WWC2: variants seen among roughly 807,000 people sequenced by gnomAD.
WWC2 encodes protein WWC2.
Under a neutral mutation model 138.5 loss-of-function variants are expected in WWC2, and 101 were observed. That is an observed-to-expected ratio of 0.73 (90% CI 0.62 to 0.86). WWC2 has a LOEUF of 0.86. WWC2 is among the 40% of genes least tolerant of loss of function. The pLI is 0.00. For synonymous variants in WWC2, 558 were observed against 538.4 expected (o/e 1.04, Z -0.50); for missense variants, 1,420 against 1,419.4 (o/e 1.00, Z -0.01).
intron 1 of WWC2, among the ~76,000 whole-genome samples, chr4:183,100,667 G>A (rs1743150434): frequency 6.6e-6 from 1 of 152,046 alleles, no homozygotes; most frequent in African/African-American, 2.4e-5. Flanking sequence ...TTCTCAATTT[G>A]AAGCTGAAAT....
Position 183,320,270 on chromosome 4 carries a change from TGAAAA to T in WWC2, c.*4545_*4549del, listed in dbSNP as rs1579087061. 1 of 1,483,922 alleles carries T rather than the reference TGAAAA, an allele frequency of 6.7e-7. No homozygotes were observed. The highest frequency in any genetic ancestry group is 1.4e-5 in the African/African-American group (1 of 71,088). 91.9% of individuals were successfully genotyped at this position (1,483,922 alleles called of 1,614,324 possible). A position where few individuals can be genotyped will look rare whatever the true frequency, so the allele number is the denominator to read the frequency against. ...ACTAACTCCTGCCCTTCGGTTGCTG[TGAAAA>T]GAAGTGTGACACTTGTGTTATAACT... is the stretch of plus-strand genomic sequence containing the variant. On this transcript the variant is annotated 3_prime_UTR_variant, in exon 23 of 23. Coordinates refer to ENST00000403733, the MANE Select transcript of WWC2 (RefSeq NM_024949.6).
intron 6 of WWC2, among the ~76,000 whole-genome samples, chr4:183,247,540 C>T (rs1339647745): frequency 7.3e-6 from 1 of 137,118 alleles, no homozygotes; most frequent in Admixed American, 7.6e-5. Flanking sequence ...ACTATATATA[C>T]TATATATATA....
At chr4:183,194,567 AG>A (rs1735082146) in intron 2 of WWC2, among the ~76,000 whole-genome samples, 1 of 152,232 alleles carries the variant, frequency 6.6e-6, no homozygotes, top group African/African-American at 2.4e-5. Flanking sequence ...TTGTATATGT[AG>A]TACTCTGTAG....
Position 183,320,259 on chromosome 4 carries a change from T to G in WWC2, c.*4530T>G. Reference sequence around the variant, plus strand: ...GCTTTAGCCAAACTAACTCCTGCCCTTCGGTTGCTGTGAAAAGAAGTGTGA... The same window carrying G: ...GCTTTAGCCAAACTAACTCCTGCCCGTCGGTTGCTGTGAAAAGAAGTGTGA... On this transcript the variant is annotated 3_prime_UTR_variant, in exon 23 of 23. Coordinates refer to ENST00000403733, the MANE Select transcript of WWC2 (RefSeq NM_024949.6). The G allele has an allele frequency of 2.6e-6, 4 of 1,551,032 alleles. No individual in the cohort carries two copies. Among genetic ancestry groups the G allele is most frequent in the Non-Finnish European group, 3.5e-6 (4 of 1,144,480 alleles).
intron 4 of WWC2, among the ~76,000 whole-genome samples, chr4:183,211,730 C>T (rs973451578): frequency 1.1e-4 from 16 of 152,284 alleles, no homozygotes; most frequent in South Asian, 2.1e-4. Flanking sequence ...ACTGCATGCT[C>T]CCAGCCTTTC....
chr4:183,219,774 T>C (rs1735870414), intron 4 of WWC2, among the ~76,000 whole-genome samples: 1 of 152,226 alleles, frequency 6.6e-6, no homozygotes, highest in Non-Finnish European at 1.5e-5. Context: ...GTTGCAGGTA[T>C]AGTAAGCAGA....
intron 1 of WWC2, among the ~76,000 whole-genome samples, chr4:183,181,855 A>G (rs537055871): frequency 2.0e-5 from 3 of 152,308 alleles, no homozygotes; most frequent in South Asian, 4.1e-4. Flanking sequence ...TCTACAGGAA[A>G]GTGAAGCAAG....
chr4:183,207,860 T>C, intron 2 of WWC2, 93 bp from the exon 3 acceptor site: 1 of 1,187,110 alleles, frequency 8.4e-7, no homozygotes, highest in Non-Finnish European at 1.2e-6. Context: ...CCTTAGAGGA[T>C]ACAAGAACTT....
chr4:183,309,142 C>G lies in WWC2; in HGVS notation c.3385-3199C>G, dbSNP rs562302913. ...TAAACTATAAAACTCCTAGAAGTTA[C>G]CCTAGGAGAAAATCTAGATGACCTT... On this transcript the variant is annotated intron_variant, in intron 21 of 22. Coordinates refer to ENST00000403733, the MANE Select transcript of WWC2 (RefSeq NM_024949.6). Among the ~76,000 whole-genome samples the G allele has an allele frequency of 7.9e-4, 120 of 152,262 alleles. 1 individual carries two copies. The South Asian group carries it at 9.8e-3, about 12-fold the overall frequency.
Position 183,256,000 on chromosome 4 carries a change from G to A in WWC2, c.1196+2001G>A, listed in dbSNP as rs145625216. On this transcript the variant is annotated intron_variant, in intron 9 of 22. Transcript: ENST00000403733. The stretch of plus-strand genomic sequence containing the variant: ...TTTATTTAGTGAGATCCAGCCACTG[G>A]GTTTGTGTCATCTGGGGAGTAAGTG... Among the ~76,000 whole-genome samples, 604 of 152,016 alleles carry A rather than the reference G, an allele frequency of 4.0e-3. 3 individuals carry two copies. The highest frequency in any genetic ancestry group is 0.014 in the African/African-American group (579 of 41,400).
chr4:183,109,350 C>T (rs1335110143), intron 1 of WWC2, among the ~76,000 whole-genome samples: 1 of 152,138 alleles, frequency 6.6e-6, no homozygotes, highest in South Asian at 2.1e-4. Flanking sequence ...TAAATATTAA[C>T]CTTTTATGAT....
intron 2 of WWC2, among the ~76,000 whole-genome samples, chr4:183,194,900 G>A (rs1048125321): frequency 2.3e-4 from 35 of 152,314 alleles, no homozygotes; most frequent in Non-Finnish European, 3.2e-4. Flanking sequence ...GTTTCTACAA[G>A]TTGTTACCTC....
chr4:183,245,388 T>C (rs779506526), intron 5 of WWC2, 28 bp from the exon 6 acceptor site: 71 of 1,485,506 alleles, frequency 4.8e-5, no homozygotes, highest in Non-Finnish European at 5.5e-5. Context: ...TTCTTTGATA[T>C]TTTTTCTTTC....
At chr4:183,276,751 A>G (rs1392852670) in intron 16 of WWC2, among the ~76,000 whole-genome samples, 1 of 152,084 alleles carries the variant, frequency 6.6e-6, no homozygotes, top group Admixed American at 6.6e-5. Flanking sequence ...CTTCTGCTCA[A>G]AGAATTCCCT....
intron 1 of WWC2, among the ~76,000 whole-genome samples, chr4:183,130,610 A>G (rs1217558478): frequency 6.6e-6 from 1 of 152,124 alleles, no homozygotes; most frequent in African/African-American, 2.4e-5. Context: ...TTTTTTAAAG[A>G]GGTTTAGAAA....
At chr4:183,231,920 G>A (rs1736258297) in intron 4 of WWC2, among the ~76,000 whole-genome samples, 1 of 152,158 alleles carries the variant, frequency 6.6e-6, no homozygotes, top group African/African-American at 2.4e-5. Context: ...CAGTCAGGTG[G>A]GGGAGAATCA....
At chr4:183,264,087 G>C (rs912285720) in intron 11 of WWC2, among the ~76,000 whole-genome samples, 1 of 152,174 alleles carries the variant, frequency 6.6e-6, no homozygotes, top group Non-Finnish European at 1.5e-5. Context: ...TTCACAAAGG[G>C]GGGTGGGCGG....
chr4:183,166,117 A>G (rs114930274), intron 1 of WWC2, among the ~76,000 whole-genome samples: 2 of 152,112 alleles, frequency 1.3e-5, no homozygotes, highest in African/African-American at 2.4e-5. Context: ...TTTGTCCTAC[A>G]TTCTTTTTTT....
intron 19 of WWC2, among the ~76,000 whole-genome samples, chr4:183,285,623 G>T (rs933504239): frequency 2.6e-5 from 4 of 152,138 alleles, no homozygotes; most frequent in African/African-American, 9.7e-5. Flanking sequence ...AGCTGGGCAT[G>T]GTGGCGTGCG....
Sources: allele counts gnomAD v4.1 joint callset (sites outside exome capture counted in the v4.1 genomes callset), GRCh38; gene constraint gnomAD v4.1.1; transcripts MANE v1.5; gene names NCBI Gene and HGNC (gene_info 2026-07-23, HGNC 2026-07-21).